Variants in FHOD1 observed in about 807,000 individuals in gnomAD.
FHOD1 encodes FH1/FH2 domain-containing protein 1.
Under a neutral mutation model 111.6 loss-of-function variants are expected in FHOD1, and 89 were observed. The ratio of observed to expected loss-of-function variants is 0.80; its 90% CI spans 0.67 to 0.95. The LOEUF is 0.95. Among genes scored for constraint, FHOD1 ranks in the 40% least tolerant of loss-of-function variants. The pLI, the probability that FHOD1 is intolerant of heterozygous loss-of-function variation, is 0.00. For missense variants in FHOD1, 1,446 were observed against 1,554.2 expected, an observed-to-expected ratio of 0.93 and a Z score of 1.17; for synonymous variants, 618 against 639.0, an observed-to-expected ratio of 0.97 and a Z score of 0.50.
chr16:67,242,914 G>A (rs2034706691), intron 1 of FHOD1, among the ~76,000 whole-genome samples: 1 of 151,366 alleles, frequency 6.6e-6, no homozygotes, highest in Admixed American at 6.6e-5. Flanking sequence ...TATAGATATA[G>A]ATCTATAATA....
Position 67,231,310 on chromosome 16 carries a change from C to G in FHOD1, c.2545G>C (p.Glu849Gln). 1.9e-6 allele frequency: 3 copies of G among 1,614,182 alleles called. No homozygotes were observed. The highest frequency in any genetic ancestry group is 2.5e-6 in the Non-Finnish European group (3 of 1,180,020). The change falls in exon 17 of 22, where the codon GAG becomes CAG. Residue 849 changes from glutamate to glutamine, a missense_variant. Transcript: ENST00000258201. The surrounding 1 kb of genome is among the most constrained non-coding windows in gnomAD (Gnocchi z 4.3). ...TGTCGACGCACCGTGTCCTTCACCT[C>G]TGACACCTTCTCCAGGTAGCTCAGC... ...FELSYLEKVS[E>Q]VKDTVRRQSL... is the part of the protein sequence containing the mutation.
At chr16:67,235,048 T>C (rs1334522562) in intron 11 of FHOD1, among the ~76,000 whole-genome samples, 1 of 152,214 alleles carries the variant, frequency 6.6e-6, no homozygotes, top group Non-Finnish European at 1.5e-5. Context: ...GTGTGAATGA[T>C]GCACCCAGCC....
chr16:67,230,162 T>C lies in FHOD1; in HGVS notation c.3118A>G (p.Ser1040Gly), dbSNP rs776135636. The C allele has an allele frequency of 6.2e-7, 1 of 1,614,192 alleles. No individual in the cohort carries two copies. The highest frequency in any genetic ancestry group is 1.7e-5 in the Admixed American group (1 of 60,032). Residue 1040 changes from serine to glycine, a missense_variant, in exon 20 of 22, where the codon AGC (serine) becomes GGC (glycine). By Grantham distance (56) the Ser-to-Gly change is moderately conservative. This residue lies in a region of FHOD1 where 1,085 missense variants were observed against 1,108.8 expected (regional missense o/e 0.98). Coordinates refer to ENST00000258201, the MANE Select transcript of FHOD1 (RefSeq NM_013241.3). ...TCAGCATCTCCCCGGCCTGGCCCGC[T>C]GCTCACTGCTACTGGGACAGAGGGG... ...SNPSVPVAVS[S>G]GPGRGDADSH...
At position 67,236,977 on chromosome 16, in the gene FHOD1, G is replaced by A; in HGVS notation, c.1131C>T (p.Ala377=). ...SLEGGGCPAR[A]PEPGPTGPAS... ...ATGCTCGTACTTACCCAGGTTCCGG[G>A]GCACGCGCGGGGCAGCCCCCGCCTT... Residue 377 remains alanine (A), a synonymous_variant, in exon 10 of 22, where the codon GCC becomes GCT. Coordinates refer to ENST00000258201, the MANE Select transcript of FHOD1 (RefSeq NM_013241.3). 6.3e-7 allele frequency: 1 copy of A among 1,591,948 alleles called. No homozygotes were observed. The highest frequency in any genetic ancestry group is 8.5e-7 in the Non-Finnish European group (1 of 1,170,452).
In FHOD1 at chr16:67,230,352, G is replaced by T. The variant is rs769648476; in HGVS notation, c.3013C>A (p.Arg1005Ser). Residue 1005 changes from arginine (R) to serine (S), a missense_variant, in exon 19 of 22, where the codon CGT (arginine) becomes AGT (serine). By Grantham distance (110) the Arg-to-Ser change is moderately radical. Coordinates refer to ENST00000258201, the MANE Select transcript of FHOD1 (RefSeq NM_013241.3). ...CGTCCCCGGGTCTTGTTGCGCTCAC[G>T]GTATGTGGCCTGCTTCTGCTGCTGC... is the stretch of plus-strand genomic sequence containing the variant. Reference protein sequence around the residue: ...LQQQQKQATYRERNKTRGRMI... With the variant: ...LQQQQKQATYSERNKTRGRMI... The T allele has an allele frequency of 5.6e-6, 9 of 1,614,104 alleles. No homozygotes were observed. Among genetic ancestry groups the T allele is most frequent in the Middle Eastern group, 3.3e-4 (2 of 6,084 alleles).
chr16:67,238,546 T>C lies in FHOD1; in HGVS notation c.374-99A>G. 1 of 1,185,158 alleles carries C rather than the reference T, an allele frequency of 8.4e-7. No individual in the cohort carries two copies. Among genetic ancestry groups the C allele is most frequent in the Non-Finnish European group, 1.2e-6 (1 of 814,132 alleles). The allele number at this position is 1,185,158 out of a possible 1,614,324, so 73.4% of individuals were successfully genotyped here. ...CTCTCCACCAAAGAATAGTCTAATA[T>C]ATATGTTTTGGTCTGAGAGACAGGG... On this transcript the variant is annotated intron_variant, in intron 3 of 21. Transcript: ENST00000258201. This position sits in a 1 kb window ranked among gnomAD's most constrained non-coding sequence, Gnocchi z 4.2.
In FHOD1 at chr16:67,232,195, C is replaced by G; in HGVS notation, c.2047-1G>C. On this transcript the variant is annotated splice_acceptor_variant, in intron 13 of 21. Coordinates refer to ENST00000258201, the MANE Select transcript of FHOD1 (RefSeq NM_013241.3). LOFTEE classifies it high-confidence loss of function. ...TTGTCCGGCGGCCCTCTCCAGCTTT[C>G]TGCATGGTTGGGGGAAGGGCAGTGT... 6.2e-7 allele frequency: 1 copy of G among 1,614,060 alleles called. No individual in the cohort carries two copies. The highest frequency in any genetic ancestry group is 8.5e-7 in the Non-Finnish European group (1 of 1,180,008).
chr16:67,230,536 A>G, intron 18 of FHOD1, 30 bp from the exon 19 acceptor site: 1 of 1,613,756 alleles, frequency 6.2e-7, no homozygotes, highest in Non-Finnish European at 8.5e-7. Context: ...GAGGGACAGT[A>G]AGTCCTGCTT....
chr16:67,230,146 C>T lies in FHOD1; in HGVS notation c.3134G>A (p.Gly1045Glu). The T allele has an allele frequency of 6.2e-7, 1 of 1,614,224 alleles. No homozygotes were observed. The highest frequency in any genetic ancestry group is 8.5e-7 in the Non-Finnish European group (1 of 1,180,026). ...CATACTAGCATGACTGTCAGCATCT[C>T]CCCGGCCTGGCCCGCTGCTCACTGC... ...PVAVSSGPGRGDADSHASMKS... is the reference protein window; with the variant it reads ...PVAVSSGPGREDADSHASMKS... The change falls in exon 20 of 22, where the codon GGA (glycine) becomes GAA (glutamate). Residue 1045 changes from glycine to glutamate, a missense_variant. Physicochemically the swap from Gly to Glu is moderately conservative, Grantham distance 98. Around this residue, in one of 3 missense-constraint regions of FHOD1, gnomAD observed 1,085 missense variants for 1,108.8 expected, o/e 0.98. Transcript: ENST00000258201.
At position 67,232,031 on chromosome 16, in the gene FHOD1, G is replaced by A; in HGVS notation, c.2202+8C>T. On this transcript the variant is annotated splice_region_variant and intron_variant, in intron 14 of 21. Coordinates refer to ENST00000258201, the MANE Select transcript of FHOD1 (RefSeq NM_013241.3). Reference sequence around the variant, plus strand: ...CTCCCCCCAACACCCATAGCTGGGTGACCTCACCTCAATGCCATCCTTGCT... The same window carrying A: ...CTCCCCCCAACACCCATAGCTGGGTAACCTCACCTCAATGCCATCCTTGCT... The A allele has an allele frequency of 6.2e-7, 1 of 1,614,060 alleles. No homozygotes were observed.
intron 1 of FHOD1, among the ~76,000 whole-genome samples, chr16:67,245,722 G>A (rs1597333594): frequency 6.6e-6 from 1 of 151,944 alleles, no homozygotes; most frequent in East Asian, 1.9e-4. Context: ...TCCAGCCTGG[G>A]AGACAGAGCC....
At chr16:67,242,989 C>T (rs1442048258) in intron 1 of FHOD1, among the ~76,000 whole-genome samples, 2 of 151,078 alleles carry the variant, frequency 1.3e-5, no homozygotes, top group Non-Finnish European at 2.9e-5. Flanking sequence ...TATATCTAGA[C>T]ATCTATTACA....
intron 1 of FHOD1, among the ~76,000 whole-genome samples, chr16:67,242,936 A>G (rs2034707496): frequency 6.6e-6 from 1 of 151,364 alleles, no homozygotes; most frequent in Admixed American, 6.6e-5. Flanking sequence ...ATAGATGTCT[A>G]TAGATATTGA....
chr16:67,233,766 C>A lies in FHOD1; in HGVS notation c.1937G>T (p.Arg646Leu), dbSNP rs756274113. 2 of 1,613,860 alleles carry A rather than the reference C, an allele frequency of 1.2e-6. No homozygotes were observed. Among genetic ancestry groups the A allele is most frequent in the Non-Finnish European group, 8.5e-7 (1 of 1,180,000 alleles). The change falls in exon 13 of 22, where the codon CGC (arginine) becomes CTC (leucine). Residue 646 changes from arginine (R) to leucine (L), a missense_variant. Physicochemically the swap from Arg to Leu is moderately radical, Grantham distance 102 (BLOSUM62 -2). Transcript: ENST00000258201. ...CCAGAGGGTGGCGCAGGGCCCAAAG[C>A]GGCTTGCAGAGACTCCATGGCCCCC... ...LAGGHGVSAS[R>L]FGPCATLWAS...
At chr16:67,241,088 A>C in intron 1 of FHOD1, among the ~76,000 whole-genome samples, 3 of 137,034 alleles carry the variant, frequency 2.2e-5, no homozygotes, top group South Asian at 2.3e-4. Context: ...CCTTCCCCAC[A>C]GTTTAGCCTG....
rs753800789 is a variant in FHOD1, at chr16:67,230,099, G to C, written c.3181C>G (p.Pro1061Ala). 4 of 1,614,198 alleles carry C rather than the reference G, an allele frequency of 2.5e-6. No homozygotes were observed. Among genetic ancestry groups the C allele is most frequent in the Middle Eastern group, 3.3e-4 (2 of 6,060 alleles). The change falls in exon 20 of 22, where the codon CCT (proline) becomes GCT (alanine). Residue 1061 changes from proline (P) to alanine (A), a missense_variant. Coordinates refer to ENST00000258201, the MANE Select transcript of FHOD1 (RefSeq NM_013241.3). ...CGGCGATTGTGTGTGGTGTCCTCAG[G>C]CCTGCTGGTCAGCAGACTCTTCATA... is the stretch of plus-strand genomic sequence containing the variant. ...ASMKSLLTSRPEDTTHNRRSR... is the reference protein window; with the variant it reads ...ASMKSLLTSRAEDTTHNRRSR...
chr16:67,247,100 C>G (rs1567399483), intron 1 of FHOD1, 110 bp downstream of exon 1: 5 of 1,282,964 alleles, frequency 3.9e-6, no homozygotes, highest in Non-Finnish European at 5.2e-6. Flanking sequence ...CAAGACTTTT[C>G]CGGAGAAGAA....
At chr16:67,241,158 CA>C (rs2034658113) in intron 1 of FHOD1, among the ~76,000 whole-genome samples, 1 of 127,056 alleles carries the variant, frequency 7.9e-6, no homozygotes, top group South Asian at 2.9e-4. Flanking sequence ...GGACATAGGA[CA>C]AACACTCCAG....
intron 13 of FHOD1, among the ~76,000 whole-genome samples, 193 bp from the exon 14 acceptor site, chr16:67,232,387 C>T (rs1256215580): frequency 5.3e-5 from 8 of 151,920 alleles, no homozygotes; most frequent in African/African-American, 9.7e-5. Context: ...GGCGTGGTGG[C>T]GGGCACCTGT....
Sources: allele counts gnomAD v4.1 joint callset (sites outside exome capture counted in the v4.1 genomes callset), GRCh38; gene constraint gnomAD v4.1.1; regional missense constraint gnomAD v4.1.1; non-coding constraint Gnocchi (gnomAD v3.1); transcripts MANE v1.5; gene names NCBI Gene and HGNC (gene_info 2026-07-23, HGNC 2026-07-21).